Variants in STARD13 observed in about 807,000 individuals in gnomAD.
STARD13 encodes StAR related lipid transfer domain containing 13.
In STARD13, 62 loss-of-function variants were observed where a neutral mutation model predicts 106.4. The ratio of observed to expected loss-of-function variants is 0.58; its 90% CI spans 0.48 to 0.72. STARD13 has a LOEUF of 0.72. Ranked by LOEUF, STARD13 falls within the 30% of genes least tolerant of loss-of-function variation. The pLI, the probability that STARD13 is intolerant of heterozygous loss-of-function variation, is 0.00. For missense variants in STARD13, 1,387 were observed against 1,424.0 expected (o/e 0.97, Z 0.42); for synonymous variants, 565 against 553.0 (o/e 1.02, Z -0.31).
the STARD13 span, among the ~76,000 whole-genome samples, chr13:33,585,239 G>T: frequency 6.6e-6 from 1 of 152,154 alleles, no homozygotes; most frequent in Non-Finnish European, 1.5e-5. Context: ...AAAAATTACA[G>T]ATAGAATTAT....
intron 1 of STARD13, among the ~76,000 whole-genome samples, chr13:33,291,714 G>C (rs533882708): frequency 6.6e-6 from 1 of 152,120 alleles, no homozygotes; most frequent in Non-Finnish European, 1.5e-5. Flanking sequence ...TATACCCCAC[G>C]TTAAGTGAAG....
the STARD13 span, among the ~76,000 whole-genome samples, chr13:33,634,525 T>C: frequency 1.3e-5 from 2 of 152,230 alleles, no homozygotes; most frequent in East Asian, 3.8e-4. Flanking sequence ...TTTTTCTTTT[T>C]GCAGAAGTTA....
intron 1 of STARD13, among the ~76,000 whole-genome samples, chr13:33,240,143 C>T (rs963922132): frequency 1.3e-5 from 2 of 152,060 alleles, no homozygotes; most frequent in Non-Finnish European, 2.9e-5. Context: ...AGGAGACTGT[C>T]GTTTTCTCAT....
intron 1 of STARD13, among the ~76,000 whole-genome samples, chr13:33,343,584 A>C (rs1255177678): frequency 1.1e-5 from 1 of 94,138 alleles, no homozygotes; most frequent in East Asian, 2.9e-4. Flanking sequence ...TCTTAAAAAA[A>C]AAAAAAAAAA....
the STARD13 span, among the ~76,000 whole-genome samples, chr13:33,519,784 T>G: frequency 6.6e-6 from 1 of 152,246 alleles, no homozygotes; most frequent in Non-Finnish European, 1.5e-5. Flanking sequence ...GAAATCATTA[T>G]TTCTCCCGTC....
the STARD13 span, among the ~76,000 whole-genome samples, chr13:33,357,105 A>G: frequency 6.6e-6 from 1 of 152,242 alleles, no homozygotes; most frequent in Admixed American, 6.5e-5. Context: ...TACATTTCCT[A>G]CTTGCATGCA....
the STARD13 span, among the ~76,000 whole-genome samples, chr13:33,393,211 A>G: frequency 1.3e-5 from 2 of 152,220 alleles, no homozygotes; most frequent in Admixed American, 6.5e-5. Flanking sequence ...CACCTAACAC[A>G]TAAGAAAAAT....
At chr13:33,241,144 C>T (rs1184248557) in intron 1 of STARD13, among the ~76,000 whole-genome samples, 7 of 152,142 alleles carry the variant, frequency 4.6e-5, no homozygotes, top group Non-Finnish European at 8.8e-5. Context: ...CATGAGCTTA[C>T]AGGTATGAAA....
At chr13:33,504,537 T>G in the STARD13 span, among the ~76,000 whole-genome samples, 1 of 142,586 alleles carries the variant, frequency 7.0e-6, no homozygotes, top group Admixed American at 7.8e-5. Flanking sequence ...TTCTCACTCA[T>G]AGGGGAGAAT....
intron 1 of STARD13, among the ~76,000 whole-genome samples, chr13:33,309,261 C>A (rs1893041885): frequency 1.3e-5 from 2 of 152,222 alleles, no homozygotes; most frequent in South Asian, 4.1e-4. Context: ...AACCACTCTT[C>A]CTTCTCTGAA....
At chr13:33,645,223 C>T in the STARD13 span, among the ~76,000 whole-genome samples, 1 of 152,148 alleles carries the variant, frequency 6.6e-6, no homozygotes, top group African/African-American at 2.4e-5. Context: ...TTCATTTTGG[C>T]CCTCCTGCAG....
chr13:33,421,243 TA>T, the STARD13 span, among the ~76,000 whole-genome samples: 442 of 151,690 alleles, frequency 2.9e-3, 1 homozygote, highest in Non-Finnish European at 4.5e-3. Context: ...ATAGACACAA[TA>T]AAAAAATGAT....
chr13:33,635,728 A>T, the STARD13 span, among the ~76,000 whole-genome samples: 14 of 151,914 alleles, frequency 9.2e-5, no homozygotes, highest in Admixed American at 6.6e-4. Context: ...CACACCTGTA[A>T]TCCCAGCATT....
In STARD13 at chr13:33,250,260, G is replaced by C. The variant is rs182229373; in HGVS notation, c.169+35210C>G. Among the ~76,000 whole-genome samples, 709 of 152,276 alleles carry C rather than the reference G, an allele frequency of 4.7e-3. 3 individuals carry two copies. The highest frequency in any genetic ancestry group is 7.7e-3 in the Admixed American group (118 of 15,288). ...TTGTTAAGGAAAGTCAGTTACTTTG[G>C]GGGGCCAATTATCTCCTCCTAGTTC... On this transcript the variant is annotated intron_variant, in intron 1 of 13. Transcript: ENST00000336934.
At chr13:33,412,844 G>A in the STARD13 span, among the ~76,000 whole-genome samples, 1,570 of 152,106 alleles carry the variant, frequency 0.01, 27 homozygotes, top group African/African-American at 0.035. Context: ...GGAAAAATAG[G>A]CAAATCTACA....
chr13:33,642,991 T>C, the STARD13 span, among the ~76,000 whole-genome samples: 2 of 152,116 alleles, frequency 1.3e-5, no homozygotes, highest in East Asian at 3.9e-4. Context: ...GCAATCGCCC[T>C]GCAATGAAGG....
the STARD13 span, among the ~76,000 whole-genome samples, chr13:33,515,981 T>C: frequency 0.069 from 10,463 of 151,962 alleles, 939 homozygotes; most frequent in African/African-American, 0.21. Context: ...CTCCACAGTA[T>C]ATATAGCCTT....
At chr13:33,145,598 C>T (rs1199356871) in intron 3 of STARD13, among the ~76,000 whole-genome samples, 1 of 151,834 alleles carries the variant, frequency 6.6e-6, no homozygotes, top group Admixed American at 6.6e-5. Context: ...CATAAGATAG[C>T]CAAAAAGTAG....
the STARD13 span, among the ~76,000 whole-genome samples, chr13:33,546,440 G>A: frequency 6.6e-6 from 1 of 152,050 alleles, no homozygotes; most frequent in African/African-American, 2.4e-5. Flanking sequence ...TATTGGGCCA[G>A]TTTTTCTTTG....
Sources: allele counts gnomAD v4.1 joint callset (sites outside exome capture counted in the v4.1 genomes callset), GRCh38; gene constraint gnomAD v4.1.1; transcripts MANE v1.5; gene names NCBI Gene and HGNC (gene_info 2026-07-23, HGNC 2026-07-21).